The following CASTOR2 variants were observed in gnomAD, a reference collection of about 807,000 sequenced individuals.
The protein encoded by CASTOR2 is GATS protein like 2.
CASTOR2 carries 8 observed loss-of-function variants against 31.2 expected under a neutral mutation model. The observed-to-expected ratio is 0.26, with a 90% CI of 0.15 to 0.46. The LOEUF is 0.46. Among genes scored for constraint, CASTOR2 ranks in the 20% least tolerant of loss-of-function variants. CASTOR2 has a pLI of 0.99. For missense variants in CASTOR2, 216 were observed against 382.1 expected (o/e 0.57, Z 3.62); for synonymous variants, 162 against 158.7 (o/e 1.02, Z -0.16).
At position 75,027,079 on chromosome 7, in the gene CASTOR2, T is replaced by A. The variant is rs957478304; in HGVS notation, c.*2380T>A. The A allele has an allele frequency of 6.6e-6, 1 of 152,280 alleles. No homozygotes were observed. Among genetic ancestry groups the A allele is most frequent in the Non-Finnish European group, 1.5e-5 (1 of 68,060 alleles). The allele number at this position is 152,280 out of a possible 1,614,324, so 9.4% of individuals were successfully genotyped here. On this transcript the variant is annotated 3_prime_UTR_variant, in exon 9 of 9. Transcript: ENST00000616305. ...TGTGTGCACACGTGTATGGGCGTGA[T>A]GGCCTCCACCCCGCACCGTCTGCCA...
chr7:75,018,325 A>T (rs1288397624), intron 4 of CASTOR2, among the ~76,000 whole-genome samples: 1 of 152,162 alleles, frequency 6.6e-6, no homozygotes, highest in Non-Finnish European at 1.5e-5. Context: ...AATTCACCTG[A>T]GGTCAGGAGT....
intron 5 of CASTOR2, among the ~76,000 whole-genome samples, chr7:75,019,352 G>T (rs1481601081): frequency 6.6e-6 from 1 of 152,038 alleles, no homozygotes; most frequent in East Asian, 1.9e-4. Context: ...TCTGATGGGG[G>T]ACACATGGAC....
Position 75,024,341 on chromosome 7 carries a change from G to A in CASTOR2, c.830-99G>A, listed in dbSNP as rs1222795777. 3.5e-6 allele frequency: 4 copies of A among 1,144,820 alleles called. No individual in the cohort carries two copies. In the African/African-American group the frequency reaches 6.1e-5, roughly 18 times the overall value. The allele number at this position is 1,144,820 out of a possible 1,614,324, so 70.9% of individuals were successfully genotyped here. ...GGAATTCTCTAGGAGGATGGTGGGTGCAGGGTAGGCATTGCCCACAGAGGG... is the reference window on the plus strand; with the variant it reads ...GGAATTCTCTAGGAGGATGGTGGGTACAGGGTAGGCATTGCCCACAGAGGG... On this transcript the variant is annotated intron_variant, in intron 7 of 8. Coordinates refer to ENST00000616305, the MANE Select transcript of CASTOR2 (RefSeq NM_001145064.3).
chr7:74,986,164 A>G (rs1804060588), intron 1 of CASTOR2, among the ~76,000 whole-genome samples: 1 of 151,308 alleles, frequency 6.6e-6, no homozygotes, highest in Non-Finnish European at 1.5e-5. Context: ...TCCTGACCTC[A>G]AGTGATCAGC....
intron 5 of CASTOR2, 148 bp from the exon 6 acceptor site, chr7:75,019,891 G>A (rs972461746): frequency 9.6e-5 from 66 of 689,596 alleles, no homozygotes; most frequent in Non-Finnish European, 1.3e-4. Flanking sequence ...AATCATCCCC[G>A]TGGCATAGCG....
intron 1 of CASTOR2, among the ~76,000 whole-genome samples, chr7:74,994,158 A>T (rs1804282753): frequency 6.6e-6 from 1 of 152,220 alleles, no homozygotes; most frequent in Non-Finnish European, 1.5e-5. Flanking sequence ...TGACTCAGCT[A>T]CTCAGCTTCT....
chr7:75,019,256 C>A (rs1259665050), intron 5 of CASTOR2, among the ~76,000 whole-genome samples, 161 bp downstream of exon 5: 1 of 152,090 alleles, frequency 6.6e-6, no homozygotes, highest in Non-Finnish European at 1.5e-5. Context: ...GACATGGACC[C>A]ACCCTGGAAC....
At chr7:75,001,600 C>T (rs1804497240) in intron 1 of CASTOR2, among the ~76,000 whole-genome samples, 3 of 152,202 alleles carry the variant, frequency 2.0e-5, no homozygotes, top group Non-Finnish European at 4.4e-5. Context: ...CAAGGTGATA[C>T]CACATGAGGG....
chr7:74,998,472 A>G (rs1206348321), intron 1 of CASTOR2, among the ~76,000 whole-genome samples: 6 of 152,188 alleles, frequency 3.9e-5, no homozygotes, highest in East Asian at 3.9e-4. Flanking sequence ...GCATGGTGGC[A>G]CACGCCTGTA....
rs1037679664 is a variant in CASTOR2 at position 75,028,295 on chromosome 7, A to G, written c.*3596A>G. 3.9e-4 allele frequency among the ~76,000 whole-genome samples: 59 copies of G among 151,854 alleles called. No homozygotes were observed. Among genetic ancestry groups the G allele is most frequent in the Middle Eastern group, 3.4e-3 (1 of 294 alleles). ...ACCACCACACGCGGCTAATTTTTGTATTTTTGGTAGAGACGGGGTTTCACC... is the reference window on the plus strand; with the variant it reads ...ACCACCACACGCGGCTAATTTTTGTGTTTTTGGTAGAGACGGGGTTTCACC... On this transcript the variant is annotated 3_prime_UTR_variant, in exon 9 of 9. Coordinates refer to ENST00000616305, the MANE Select transcript of CASTOR2 (RefSeq NM_001145064.3).
At chr7:75,018,949 C>G in intron 4 of CASTOR2, 23 bp from the exon 5 acceptor site, 2 of 1,551,864 alleles carry the variant, frequency 1.3e-6, no homozygotes, top group Non-Finnish European at 1.7e-6. Context: ...GCCTCAGTGC[C>G]TGACATCTTT....
chr7:75,001,732 A>G (rs1804502378), intron 1 of CASTOR2, among the ~76,000 whole-genome samples: 2 of 152,204 alleles, frequency 1.3e-5, no homozygotes, highest in Admixed American at 6.5e-5. Flanking sequence ...GTCAGATACA[A>G]GGTGTGTGTA....
chr7:74,989,811 A>G (rs1390442158), intron 1 of CASTOR2, among the ~76,000 whole-genome samples: 2 of 152,128 alleles, frequency 1.3e-5, no homozygotes, highest in Non-Finnish European at 2.9e-5. Context: ...CAAAACAGAC[A>G]CAGTGAATCC....
At chr7:74,994,547 G>A (rs1333204876) in intron 1 of CASTOR2, among the ~76,000 whole-genome samples, 2 of 152,046 alleles carry the variant, frequency 1.3e-5, no homozygotes, top group East Asian at 1.9e-4. Context: ...TCAGGAGTTC[G>A]AGACCAGCCT....
At chr7:75,015,251 T>G (rs1804839812) in intron 2 of CASTOR2, among the ~76,000 whole-genome samples, 1 of 152,182 alleles carries the variant, frequency 6.6e-6, no homozygotes, top group African/African-American at 2.4e-5. Context: ...TCACCCATCT[T>G]TGAGCCCCTC....
At position 75,017,661 on chromosome 7, in the gene CASTOR2, C is replaced by G; in HGVS notation, c.248C>G (p.Ser83Cys). The G allele has an allele frequency of 6.2e-7, 1 of 1,614,048 alleles. No homozygotes were observed. The highest frequency in any genetic ancestry group is 8.5e-7 in the Non-Finnish European group (1 of 1,179,884). ...ACCTGGCTGGCCCTGAACGTGGTGT[C>G]CGGCGGTGGCAGCTTCTCCAGCTCC... is the stretch of plus-strand genomic sequence containing the variant. Reference protein sequence around the residue: ...DATWLALNVVSGGGSFSSSQP... With the variant: ...DATWLALNVVCGGGSFSSSQP... The change falls in exon 3 of 9, where the codon TCC becomes TGC. Residue 83 changes from serine (S) to cysteine (C), a missense_variant. Transcript: ENST00000616305.
intron 5 of CASTOR2, 33 bp from the exon 6 acceptor site, chr7:75,020,006 G>T (rs997149622): frequency 3.2e-6 from 5 of 1,548,526 alleles, no homozygotes; most frequent in African/African-American, 2.7e-5. Context: ...GGCCACAGGG[G>T]CCCCATCTTT....
chr7:75,026,209 G>A lies in CASTOR2; in HGVS notation c.*1510G>A, dbSNP rs1331902947. ...CGGGGGTTTTTTTTTTTTTTTTTGA[G>A]ATGGGAGTCTGGCTCTGTTGCCTAG... is the stretch of plus-strand genomic sequence containing the variant. On this transcript the variant is annotated 3_prime_UTR_variant, in exon 9 of 9. Coordinates refer to ENST00000616305, the MANE Select transcript of CASTOR2 (RefSeq NM_001145064.3). Among the ~76,000 whole-genome samples the A allele has an allele frequency of 2.6e-5, 2 of 75,592 alleles. No homozygotes were observed. The highest frequency in any genetic ancestry group is 1.3e-4 in the Admixed American group (1 of 7,956). 49.6% of individuals were successfully genotyped at this position (75,592 alleles called of 152,430 possible). A position where few individuals can be genotyped will look rare whatever the true frequency, so the allele number is the denominator to read the frequency against.
At position 75,021,869 on chromosome 7, in the gene CASTOR2, T is replaced by G; in HGVS notation, c.747-5T>G. 1 of 1,551,762 alleles carries G rather than the reference T, an allele frequency of 6.4e-7. No individual in the cohort carries two copies. Reference sequence around the variant, plus strand: ...TCGGGGATTCTTCTCTCGCTCCTTTTGAAGGTTTCCTAGTAACTTGCTGTT... The same window carrying G: ...TCGGGGATTCTTCTCTCGCTCCTTTGGAAGGTTTCCTAGTAACTTGCTGTT... On this transcript the variant is annotated splice_polypyrimidine_tract_variant and splice_region_variant and intron_variant, in intron 6 of 8. Coordinates refer to ENST00000616305, the MANE Select transcript of CASTOR2 (RefSeq NM_001145064.3).
Sources: allele counts gnomAD v4.1 joint callset (sites outside exome capture counted in the v4.1 genomes callset), GRCh38; gene constraint gnomAD v4.1.1; transcripts MANE v1.5; gene names NCBI Gene and HGNC (gene_info 2026-07-23, HGNC 2026-07-21).